The following ARHGAP10 variants were observed in gnomAD, a reference collection of about 807,000 sequenced individuals.
ARHGAP10 encodes rho GTPase-activating protein 10.
ARHGAP10 carries 87 observed loss-of-function variants against 108.6 expected under a neutral mutation model. That is an observed-to-expected ratio of 0.80 (90% CI 0.67 to 0.96). ARHGAP10 has a LOEUF of 0.96. ARHGAP10 is among the 40% of genes least tolerant of loss of function. The pLI is 0.00. For missense variants in ARHGAP10, 939 were observed against 954.5 expected, an observed-to-expected ratio of 0.98 and a Z score of 0.21; for synonymous variants, 347 against 341.1, an observed-to-expected ratio of 1.02 and a Z score of -0.19.
At chr4:147,848,066 T>TC (rs1369361195) in intron 4 of ARHGAP10, among the ~76,000 whole-genome samples, 1 of 147,986 alleles carries the variant, frequency 6.8e-6, no homozygotes, top group Admixed American at 6.9e-5. Context: ...TGTATTTTTT[T>TC]CCCCCCACGT....
intron 18 of ARHGAP10, among the ~76,000 whole-genome samples, chr4:148,014,506 A>G (rs541921502): frequency 2.0e-5 from 3 of 152,210 alleles, no homozygotes; most frequent in African/African-American, 7.2e-5. Flanking sequence ...CCTGATATAG[A>G]TGGGGAGAAA....
At chr4:148,059,256 G>A (rs1260682029) in intron 20 of ARHGAP10, among the ~76,000 whole-genome samples, 1 of 152,178 alleles carries the variant, frequency 6.6e-6, no homozygotes, top group East Asian at 1.9e-4. Context: ...TTCTGTCTTG[G>A]TAAACGTGGT....
chr4:147,816,496 A>G (rs1732253298), intron 1 of ARHGAP10, among the ~76,000 whole-genome samples: 1 of 152,202 alleles, frequency 6.6e-6, no homozygotes, highest in African/African-American at 2.4e-5. Flanking sequence ...AATTCATTAC[A>G]CAGACACCCC....
Position 147,824,813 on chromosome 4 carries a change from C to T in ARHGAP10, c.312+1856C>T, listed in dbSNP as rs532120732. 2.6e-5 allele frequency among the ~76,000 whole-genome samples: 4 copies of T among 152,288 alleles called. No individual in the cohort carries two copies. The South Asian group carries it at 6.2e-4, about 24-fold the overall frequency. On this transcript the variant is annotated intron_variant, in intron 3 of 22. Transcript: ENST00000336498. ...GTGGGGATTATGGAGTTTACGCTTT[C>T]GTGTAAGATTTGGGTGGGGACACAG... is the stretch of plus-strand genomic sequence containing the variant.
chr4:148,067,227 T>G (rs1729926085), intron 22 of ARHGAP10, among the ~76,000 whole-genome samples: 1 of 152,270 alleles, frequency 6.6e-6, no homozygotes, highest in Non-Finnish European at 1.5e-5. Context: ...TTAGGCTTGC[T>G]GCTTAATAGG....
intron 18 of ARHGAP10, among the ~76,000 whole-genome samples, chr4:148,016,981 A>G (rs1277979767): frequency 2.1e-5 from 3 of 142,822 alleles, no homozygotes; most frequent in Non-Finnish European, 4.6e-5. Context: ...CCTCATCTCT[A>G]TTAAAAAAAA....
chr4:147,796,381 G>T (rs1350370650), intron 1 of ARHGAP10, among the ~76,000 whole-genome samples: 1 of 152,080 alleles, frequency 6.6e-6, no homozygotes, highest in Non-Finnish European at 1.5e-5. Context: ...TAAAAGCGTA[G>T]TGGAAGGAGA....
At chr4:147,934,981 C>G (rs910703859) in intron 13 of ARHGAP10, among the ~76,000 whole-genome samples, 1 of 152,156 alleles carries the variant, frequency 6.6e-6, no homozygotes, top group African/African-American at 2.4e-5. Flanking sequence ...ATTTTACTCA[C>G]TGTCGAATCT....
intron 1 of ARHGAP10, among the ~76,000 whole-genome samples, chr4:147,744,662 C>A (rs908210139): frequency 6.6e-6 from 1 of 152,058 alleles, no homozygotes; most frequent in Non-Finnish European, 1.5e-5. Flanking sequence ...TGCCCTGACA[C>A]CTCAGGTTCT....
intron 20 of ARHGAP10, among the ~76,000 whole-genome samples, chr4:148,048,785 C>T (rs1393701101): frequency 1.3e-5 from 2 of 152,154 alleles, no homozygotes; most frequent in African/African-American, 2.4e-5. Context: ...CAATTCACAA[C>T]ACGTCCATGC....
Position 147,775,246 on chromosome 4 carries a change from C to T in ARHGAP10, c.154+42791C>T, listed in dbSNP as rs116101255. ...TTAAGTGCCCTCAGCATTCTCACTC[C>T]TGGAGTCCAGGCCTAAAGCTTGCAT... On this transcript the variant is annotated intron_variant, in intron 1 of 22. Transcript: ENST00000336498. Among the ~76,000 whole-genome samples, 351 of 152,260 alleles carry T rather than the reference C, an allele frequency of 2.3e-3. 1 individual carries two copies. The highest frequency in any genetic ancestry group is 8.1e-3 in the African/African-American group (338 of 41,552).
Position 147,746,304 on chromosome 4 carries a change from A to G in ARHGAP10, c.154+13849A>G, listed in dbSNP as rs370158042. On this transcript the variant is annotated intron_variant, in intron 1 of 22. Transcript: ENST00000336498. ...TTTTTAGTAGAGACGAGGTTTCACC[A>G]TGTTGGCCAGGATGGTCTTGATCTC... 3.7e-4 allele frequency among the ~76,000 whole-genome samples: 55 copies of G among 150,614 alleles called. 1 individual carries two copies. The East Asian group carries it at 9.2e-3, about 25-fold the overall frequency.
Position 148,039,792 on chromosome 4 carries a change from C to T in ARHGAP10, c.1868-7100C>T, listed in dbSNP as rs1242947774. On this transcript the variant is annotated intron_variant, in intron 19 of 22. Coordinates refer to ENST00000336498, the MANE Select transcript of ARHGAP10 (RefSeq NM_024605.4). ...TCCTTACTCCTCTGTTTGGCACTCT[C>T]AGTCCTTTATAATTGAGGTCTTTGA... Among the ~76,000 whole-genome samples the T allele has an allele frequency of 2.0e-5, 3 of 152,232 alleles. No homozygotes were observed. In the East Asian group the frequency reaches 5.8e-4, roughly 29 times the overall value.
intron 1 of ARHGAP10, among the ~76,000 whole-genome samples, chr4:147,767,375 T>G (rs907866566): frequency 1.3e-5 from 2 of 152,118 alleles, no homozygotes; most frequent in African/African-American, 4.8e-5. Flanking sequence ...ATCTTTTTTT[T>G]TTTTTAATCC....
intron 3 of ARHGAP10, among the ~76,000 whole-genome samples, chr4:147,841,601 T>C (rs750720101): frequency 1.6e-4 from 24 of 152,164 alleles, no homozygotes; most frequent in Non-Finnish European, 2.2e-4. Flanking sequence ...TCTGTGAAAT[T>C]ATAGCAGGAA....
chr4:147,874,683 C>T (rs1734988943), intron 7 of ARHGAP10, among the ~76,000 whole-genome samples: 1 of 152,188 alleles, frequency 6.6e-6, no homozygotes. Context: ...TAAAACCTAA[C>T]TTATGTTTTA....
chr4:147,892,573 G>GGGGAGTGTGGGGTTGGCT (rs150056541), intron 10 of ARHGAP10, among the ~76,000 whole-genome samples: 31 of 151,496 alleles, frequency 2.0e-4, no homozygotes, highest in African/African-American at 7.3e-4. Flanking sequence ...GAGCAGCATG[G>GGGGAGTGTGGGGTTGGCT]GGGAGTGTGG....
chr4:147,961,249 G>A (rs1279072081), intron 16 of ARHGAP10, among the ~76,000 whole-genome samples: 4 of 152,194 alleles, frequency 2.6e-5, no homozygotes, highest in African/African-American at 9.7e-5. Flanking sequence ...TCTGGCAGGT[G>A]AGTATTACTC....
intron 5 of ARHGAP10, chr4:147,861,009 CTG>C (rs1158660203): frequency 6.6e-6 from 1 of 152,252 alleles, no homozygotes; most frequent in African/African-American, 2.4e-5. Flanking sequence ...CCAGAAATCT[CTG>C]TGTCTGGTGA....
Sources: gnomAD v4.1 joint callset for allele counts (sites outside exome capture counted in the v4.1 genomes callset) on GRCh38, gnomAD v4.1.1 for gene constraint, MANE v1.5 for transcripts, NCBI Gene and HGNC (gene_info 2026-07-23, HGNC 2026-07-21) for gene names.